ASNS: variants seen among roughly 807,000 people sequenced by gnomAD.
The protein encoded by ASNS is asparagine synthetase (glutamine-hydrolyzing), also known as asparagine synthetase [glutamine-hydrolyzing].
A neutral mutation model predicts 62.6 loss-of-function variants in ASNS; 37 were observed. The observed-to-expected ratio is 0.59, with a 90% CI of 0.45 to 0.78. The LOEUF is 0.78. Among genes scored for constraint, ASNS ranks in the 30% least tolerant of loss-of-function variants. ASNS has a pLI of 0.00. For synonymous variants in ASNS, 207 were observed against 237.9 expected, an observed-to-expected ratio of 0.87 and a Z score of 1.19; for missense variants, 520 against 682.4, an observed-to-expected ratio of 0.76 and a Z score of 2.65.
chr7:97,865,689 T>C (rs1791928294), intron 3 of ASNS, among the ~76,000 whole-genome samples: 1 of 152,204 alleles, frequency 6.6e-6, no homozygotes, highest in African/African-American at 2.4e-5. Flanking sequence ...CATAGAAATA[T>C]CTACAGGTCT....
At chr7:97,853,032 C>A in intron 12 of ASNS, 28 bp downstream of exon 12, 2 of 1,518,600 alleles carry the variant, frequency 1.3e-6, no homozygotes. Context: ...CTGTCTTATT[C>A]CTGAAAATGT....
chr7:97,921,459 C>A, the ASNS span, among the ~76,000 whole-genome samples: 1 of 152,178 alleles, frequency 6.6e-6, no homozygotes, highest in African/African-American at 2.4e-5. Context: ...TTTGTGTGAA[C>A]AGGCAGGGGG....
chr7:97,852,524 G>C, intron 12 of ASNS, 56 bp from the exon 13 acceptor site: 1 of 1,513,874 alleles, frequency 6.6e-7, no homozygotes, highest in Non-Finnish European at 9.2e-7. Flanking sequence ...AAATACTTGT[G>C]TTTAGTCTCA....
chr7:97,923,699 C>T, the ASNS span, among the ~76,000 whole-genome samples: 1 of 152,190 alleles, frequency 6.6e-6, no homozygotes, highest in Non-Finnish European at 1.5e-5. Context: ...CCCCTGGGTC[C>T]CAAGCAACCT....
the ASNS span, among the ~76,000 whole-genome samples, chr7:97,905,365 G>A: frequency 6.6e-6 from 1 of 152,038 alleles, no homozygotes; most frequent in Non-Finnish European, 1.5e-5. Flanking sequence ...GACTTGCCTC[G>A]CAACTGCCCA....
chr7:97,854,467 C>T (rs770859729), intron 10 of ASNS, 113 bp downstream of exon 10: 2 of 1,296,920 alleles, frequency 1.5e-6, no homozygotes, highest in Middle Eastern at 2.8e-4. Context: ...CTATATGTAA[C>T]ATATAGCCAA....
rs181970689 is a variant in ASNS, at chr7:97,854,068, G to A, written c.1238+512C>T. ...TCTTCAACATAACTTTAGACAACTA[G>A]AAATGATAACCAAAGAAACCTGGTT... On this transcript the variant is annotated intron_variant, in intron 10 of 12. Coordinates refer to ENST00000394308, the MANE Select transcript of ASNS (RefSeq NM_001673.5). 3.2e-3 allele frequency among the ~76,000 whole-genome samples: 492 copies of A among 152,294 alleles called. 3 individuals are homozygous for A. The highest frequency in any genetic ancestry group is 6.5e-3 in the Admixed American group (99 of 15,302).
upstream of ASNS, among the ~76,000 whole-genome samples, chr7:97,872,892 G>A (rs1792353426): frequency 6.6e-6 from 1 of 152,220 alleles, no homozygotes; most frequent in African/African-American, 2.4e-5. Context: ...CTTGAAACCA[G>A]GAGTTCAAGA....
At chr7:97,913,796 G>C in the ASNS span, among the ~76,000 whole-genome samples, 1 of 150,760 alleles carries the variant, frequency 6.6e-6, no homozygotes, top group African/African-American at 2.4e-5. Context: ...TGAACAGAAG[G>C]ACAAGCAGTG....
At chr7:97,903,080 C>A in the ASNS span, among the ~76,000 whole-genome samples, 2 of 152,086 alleles carry the variant, frequency 1.3e-5, no homozygotes, top group African/African-American at 4.8e-5. Flanking sequence ...AGAGAAATTG[C>A]TGAGCCAAAA....
chr7:97,858,823 A>G (rs1791579457), intron 6 of ASNS, 31 bp downstream of exon 6: 1 of 1,557,500 alleles, frequency 6.4e-7, no homozygotes, highest in Admixed American at 1.9e-5. Context: ...ACACACATGA[A>G]ATATAATTAG....
chr7:97,859,165 T>G, intron 5 of ASNS, 48 bp downstream of exon 5: 1 of 1,550,544 alleles, frequency 6.4e-7, no homozygotes, highest in Non-Finnish European at 8.7e-7. Flanking sequence ...ACTTAAAATT[T>G]TTTTCCCTTG....
chr7:97,855,048 G>A, intron 9 of ASNS: 1 of 372,004 alleles, frequency 2.7e-6, no homozygotes, highest in Non-Finnish European at 4.8e-6. Context: ...TGCAATCACA[G>A]CTCACTGCAG....
At chr7:97,865,980 A>G (rs1791947318) in intron 3 of ASNS, among the ~76,000 whole-genome samples, 1 of 152,196 alleles carries the variant, frequency 6.6e-6, no homozygotes, top group South Asian at 2.1e-4. Flanking sequence ...TGACATCAAA[A>G]TGCACATGTA....
At chr7:97,927,485 G>A in the ASNS span, among the ~76,000 whole-genome samples, 1 of 152,224 alleles carries the variant, frequency 6.6e-6, no homozygotes, top group Admixed American at 6.5e-5. Flanking sequence ...CTAAGGAGGG[G>A]CAGAACCAGG....
the ASNS span, among the ~76,000 whole-genome samples, chr7:97,905,077 T>TC: frequency 6.6e-6 from 1 of 152,130 alleles, no homozygotes; most frequent in Non-Finnish European, 1.5e-5. Flanking sequence ...CAGTGGCTCT[T>TC]TATAGCTTGA....
At chr7:97,876,724 C>T (rs938999110), upstream of ASNS, among the ~76,000 whole-genome samples, 1 of 152,084 alleles carries the variant, frequency 6.6e-6, no homozygotes, top group African/African-American at 2.4e-5. Context: ...CCGTGCCCAG[C>T]TCAAAAATAC....
the ASNS span, among the ~76,000 whole-genome samples, chr7:97,918,657 AG>A: frequency 6.6e-6 from 1 of 152,220 alleles, no homozygotes; most frequent in Non-Finnish European, 1.5e-5. Context: ...GTGTGCACAG[AG>A]GAAAAAGGTG....
the ASNS span, among the ~76,000 whole-genome samples, chr7:97,924,892 C>T: frequency 6.6e-6 from 1 of 152,188 alleles, no homozygotes; most frequent in African/African-American, 2.4e-5. Context: ...ATCTCAGCAC[C>T]TTGGGAGGCC....
Sources: gnomAD v4.1 joint callset for allele counts (sites outside exome capture counted in the v4.1 genomes callset) on GRCh38, gnomAD v4.1.1 for gene constraint, MANE v1.5 for transcripts, NCBI Gene and HGNC (gene_info 2026-07-23, HGNC 2026-07-21) for gene names.